BMP6: variants seen among roughly 807,000 people sequenced by gnomAD.
The protein encoded by BMP6 is bone morphogenetic protein 6, also known as VG-1-R.
BMP6 carries 17 observed loss-of-function variants against 54.1 expected under a neutral mutation model. The ratio of observed to expected loss-of-function variants is 0.31; its 90% CI spans 0.22 to 0.47. The LOEUF is 0.47. BMP6 is among the 20% of genes least tolerant of loss of function. The pLI, the probability that BMP6 is intolerant of heterozygous loss-of-function variation, is 1.00. For synonymous variants in BMP6, 328 were observed against 291.2 expected (o/e 1.13, Z -1.28); for missense variants, 720 against 690.4 (o/e 1.04, Z -0.48).
chr6:7,798,546 C>T (rs543324078), intron 1 of BMP6, among the ~76,000 whole-genome samples: 2 of 152,176 alleles, frequency 1.3e-5, no homozygotes, highest in Non-Finnish European at 1.5e-5. Flanking sequence ...ATTTAGGGTT[C>T]GTGTTCTACC....
chr6:7,852,909 CT>C (rs1759168415), intron 2 of BMP6, among the ~76,000 whole-genome samples: 2 of 152,248 alleles, frequency 1.3e-5, no homozygotes, highest in South Asian at 4.1e-4. Flanking sequence ...TATGAGATCA[CT>C]TTTATGAGCT....
At chr6:7,828,495 G>A (rs1758735999) in intron 1 of BMP6, among the ~76,000 whole-genome samples, 1 of 152,224 alleles carries the variant, frequency 6.6e-6, no homozygotes, top group African/African-American at 2.4e-5. Context: ...TGATCACATG[G>A]TGGTTTAGAA....
At chr6:7,819,160 A>G (rs913966285) in intron 1 of BMP6, among the ~76,000 whole-genome samples, 4 of 152,186 alleles carry the variant, frequency 2.6e-5, no homozygotes, top group Non-Finnish European at 5.9e-5. Flanking sequence ...ACGCGTGCAC[A>G]TGTGACCTCT....
intron 1 of BMP6, among the ~76,000 whole-genome samples, chr6:7,807,905 A>G (rs925610778): frequency 3.4e-5 from 5 of 146,924 alleles, no homozygotes; most frequent in Non-Finnish European, 1.5e-5. Context: ...ACTAACGGGA[A>G]GTCTTTACTT....
intron 1 of BMP6, among the ~76,000 whole-genome samples, chr6:7,802,562 G>A (rs1305989358): frequency 1.3e-5 from 2 of 152,300 alleles, no homozygotes; most frequent in Non-Finnish European, 1.5e-5. Context: ...GATTTGTGGC[G>A]GGATTGAGTG....
At chr6:7,858,109 G>T (rs1759277248) in intron 2 of BMP6, among the ~76,000 whole-genome samples, 1 of 152,040 alleles carries the variant, frequency 6.6e-6, no homozygotes, top group African/African-American at 2.4e-5. Context: ...TTTAGACAGG[G>T]TCTCACTCTG....
intron 2 of BMP6, among the ~76,000 whole-genome samples, chr6:7,857,594 T>C (rs1327659851): frequency 6.6e-6 from 1 of 152,192 alleles, no homozygotes; most frequent in Non-Finnish European, 1.5e-5. Context: ...GTGACACACA[T>C]TTTAGGTGAG....
In BMP6 at chr6:7,818,819, G is replaced by A. The variant is rs1315170803; in HGVS notation, c.665-26321G>A. Among the ~76,000 whole-genome samples the A allele has an allele frequency of 3.3e-5, 5 of 152,196 alleles. No individual in the cohort carries two copies. The East Asian group carries it at 7.7e-4, about 23-fold the overall frequency. ...CTAGGTCAGAGGTACATCACTTTTA[G>A]ACACGTTGATACTATCAAGAGAAAG... On this transcript the variant is annotated intron_variant, in intron 1 of 6. Transcript: ENST00000283147.
chr6:7,829,507 C>T (rs917730147), intron 1 of BMP6, among the ~76,000 whole-genome samples: 3 of 152,090 alleles, frequency 2.0e-5, no homozygotes, highest in Admixed American at 1.3e-4. Flanking sequence ...AGTTCAAGAC[C>T]AGCCTAGGCA....
intron 1 of BMP6, among the ~76,000 whole-genome samples, chr6:7,819,475 A>G (rs979884692): frequency 3.9e-5 from 6 of 152,170 alleles, no homozygotes; most frequent in African/African-American, 7.2e-5. Context: ...CCAGAAAACA[A>G]TTGAATTTGA....
chr6:7,777,753 T>C (rs1757882888), intron 1 of BMP6, among the ~76,000 whole-genome samples: 1 of 151,180 alleles, frequency 6.6e-6, no homozygotes, highest in Non-Finnish European at 1.5e-5. Flanking sequence ...ACTACCAAAT[T>C]AGTCCTCTGC....
chr6:7,728,862 G>A (rs1761796380), intron 1 of BMP6, among the ~76,000 whole-genome samples: 1 of 152,336 alleles, frequency 6.6e-6, no homozygotes, highest in South Asian at 2.1e-4. Context: ...TTACTTACTG[G>A]AATGATTCCC....
At chr6:7,795,729 A>G (rs979431692) in intron 1 of BMP6, among the ~76,000 whole-genome samples, 3 of 152,172 alleles carry the variant, frequency 2.0e-5, no homozygotes, top group Non-Finnish European at 2.9e-5. Context: ...ATGGAACAGA[A>G]GGAGAGCAGA....
chr6:7,803,388 A>G (rs1758300978), intron 1 of BMP6, among the ~76,000 whole-genome samples: 1 of 152,118 alleles, frequency 6.6e-6, no homozygotes, highest in African/African-American at 2.4e-5. Flanking sequence ...CACCACTACC[A>G]CATTAATGGT....
intron 1 of BMP6, among the ~76,000 whole-genome samples, chr6:7,796,662 GA>G (rs933524583): frequency 2.6e-5 from 4 of 151,990 alleles, no homozygotes; most frequent in Admixed American, 2.0e-4. Flanking sequence ...TATTTTGCCA[GA>G]AAAAAAGCGA....
At chr6:7,817,746 T>C (rs2113219922) in intron 1 of BMP6, among the ~76,000 whole-genome samples, 1 of 152,264 alleles carries the variant, frequency 6.6e-6, no homozygotes. Flanking sequence ...CTGCCTGATG[T>C]TTTAAAGCTG....
intron 1 of BMP6, among the ~76,000 whole-genome samples, chr6:7,791,407 G>T (rs1056040195): frequency 6.6e-6 from 1 of 152,092 alleles, no homozygotes; most frequent in Non-Finnish European, 1.5e-5. Flanking sequence ...TCTTCCCCTA[G>T]CTTCTGTGCC....
At chr6:7,823,511 A>G (rs1234559470) in intron 1 of BMP6, among the ~76,000 whole-genome samples, 1 of 152,226 alleles carries the variant, frequency 6.6e-6, no homozygotes, top group African/African-American at 2.4e-5. Context: ...AAATTAATAA[A>G]TTCAATGTAA....
rs562177948 is a variant in BMP6, at chr6:7,808,069, C to T, written c.665-37071C>T. Among the ~76,000 whole-genome samples, 154 of 151,718 alleles carry T rather than the reference C, an allele frequency of 1.0e-3. 1 individual carries two copies. Among genetic ancestry groups the T allele is most frequent in the Middle Eastern group, 6.8e-3 (2 of 294 alleles). Reference sequence around the variant, plus strand: ...CCAAGTAGCTGGGACTACAGGCACCCGCCACCACACCCGGCTAATTTTTTG... The same window carrying T: ...CCAAGTAGCTGGGACTACAGGCACCTGCCACCACACCCGGCTAATTTTTTG... On this transcript the variant is annotated intron_variant, in intron 1 of 6. Transcript: ENST00000283147.
Sources: allele counts gnomAD v4.1 joint callset (sites outside exome capture counted in the v4.1 genomes callset), GRCh38; gene constraint gnomAD v4.1.1; transcripts MANE v1.5; gene names NCBI Gene and HGNC (gene_info 2026-07-23, HGNC 2026-07-21).